CTTNBP2NL: variants seen among roughly 807,000 people sequenced by gnomAD.
CTTNBP2NL encodes CTTNBP2 N-terminal like.
Under a neutral mutation model 32.5 loss-of-function variants are expected in CTTNBP2NL, and 16 were observed. The observed-to-expected ratio is 0.49, with a 90% confidence interval of 0.33 to 0.75. The LOEUF is 0.75. CTTNBP2NL is among the 30% of genes least tolerant of loss of function. CTTNBP2NL has a pLI of 0.02. For synonymous variants in CTTNBP2NL, 298 were observed against 289.4 expected (o/e 1.03, Z -0.30); for missense variants, 645 against 756.0 (o/e 0.85, Z 1.72).
chr1:112,400,561 G>A (rs6696624), intron 1 of CTTNBP2NL, among the ~76,000 whole-genome samples: 49,762 of 152,056 alleles, frequency 0.33, 8,731 homozygotes, highest in East Asian at 0.55. Flanking sequence ...GGGAGGCCAA[G>A]GCAGGCGGAT....
chr1:112,447,002 C>T (rs1650061544), intron 3 of CTTNBP2NL, among the ~76,000 whole-genome samples: 1 of 152,042 alleles, frequency 6.6e-6, no homozygotes. Context: ...CAGCCAGGCG[C>T]AGTGGCTCAC....
intron 1 of CTTNBP2NL, among the ~76,000 whole-genome samples, chr1:112,408,799 C>T (rs1648764937): frequency 3.3e-5 from 5 of 151,896 alleles, no homozygotes; most frequent in South Asian, 4.2e-4. Context: ...ATTTACTGGC[C>T]TCCTATATTT....
chr1:112,399,962 G>A (rs1891706), intron 1 of CTTNBP2NL, among the ~76,000 whole-genome samples: 19,611 of 151,950 alleles, frequency 0.13, 4,148 homozygotes, highest in African/African-American at 0.44. Flanking sequence ...CCAGCTACTC[G>A]GGAGCCTGAG....
chr1:112,402,595 G>A (rs993715667), intron 1 of CTTNBP2NL, among the ~76,000 whole-genome samples: 16 of 152,176 alleles, frequency 1.1e-4, no homozygotes, highest in South Asian at 6.2e-4. Flanking sequence ...GGAGAATGGG[G>A]GCTCCAGGGA....
At position 112,459,236 on chromosome 1, in the gene CTTNBP2NL, A is replaced by G. The variant is rs2101039191; in HGVS notation, c.*1824A>G. ...AGTCTATGCGGACAAAAGCCTCCAA[A>G]CTTTCCAACTGTGTAGGCCAGTACA... On this transcript the variant is annotated 3_prime_UTR_variant, in exon 6 of 6. Coordinates refer to ENST00000271277, the MANE Select transcript of CTTNBP2NL (RefSeq NM_018704.3). The G allele has an allele frequency of 6.6e-6, 1 of 152,206 alleles. No individual in the cohort carries two copies. Among genetic ancestry groups the G allele is most frequent in the South Asian group, 2.1e-4 (1 of 4,814 alleles). 9.4% of individuals were successfully genotyped at this position (152,206 alleles called of 1,614,324 possible).
chr1:112,414,878 G>T (rs1205636263), intron 2 of CTTNBP2NL: 1 of 152,110 alleles, frequency 6.6e-6, no homozygotes, highest in African/African-American at 2.4e-5. Context: ...TCAGTTTTTG[G>T]TAGCCTAGCC....
Position 112,447,272 on chromosome 1 carries a change from TAAAAAAA to T in CTTNBP2NL, c.100-1651_100-1645del, listed in dbSNP as rs35522134. Among the ~76,000 whole-genome samples, 27 of 69,696 alleles carry T rather than the reference TAAAAAAA, an allele frequency of 3.9e-4. No individual in the cohort carries two copies. In the East Asian group the frequency reaches 8.9e-3, roughly 23 times the overall value. 45.7% of individuals were successfully genotyped at this position (69,696 alleles called of 152,430 possible). ...CTGGGCGACAGAGCGAGACTCCATCTAAAAAAAAAAAAAAAAAAAAAAAAAGTAGAGT... is the reference window on the plus strand; with the variant it reads ...CTGGGCGACAGAGCGAGACTCCATCTAAAAAAAAAAAAAAAAAAGTAGAGT... On this transcript the variant is annotated intron_variant, in intron 3 of 5. Coordinates refer to ENST00000271277, the MANE Select transcript of CTTNBP2NL (RefSeq NM_018704.3).
intron 1 of CTTNBP2NL, among the ~76,000 whole-genome samples, chr1:112,396,790 G>T (rs1378313734): frequency 2.0e-5 from 3 of 152,198 alleles, no homozygotes; most frequent in Non-Finnish European, 2.9e-5. Context: ...CGGAGGAAGC[G>T]GCTTCTCCCA....
rs148552246 is a variant in CTTNBP2NL at position 112,460,149 on chromosome 1, G to A, written c.*2737G>A. 4.2e-4 allele frequency: 64 copies of A among 152,274 alleles called. No homozygotes were observed. Among genetic ancestry groups the A allele is most frequent in the African/African-American group, 1.5e-3 (62 of 41,542 alleles). 9.4% of individuals were successfully genotyped at this position (152,274 alleles called of 1,614,324 possible). On this transcript the variant is annotated 3_prime_UTR_variant, in exon 6 of 6. Coordinates refer to ENST00000271277, the MANE Select transcript of CTTNBP2NL (RefSeq NM_018704.3). ...TACCATATAACACAAGCATTAACTAGGCATTAACGTTTGTAAAGCCAAATA... is the reference window on the plus strand; with the variant it reads ...TACCATATAACACAAGCATTAACTAAGCATTAACGTTTGTAAAGCCAAATA...
rs1175224190 is a variant in CTTNBP2NL at position 112,416,189 on chromosome 1, G to A, written c.24G>A (p.Lys8=). The change falls in exon 3 of 6, where the codon AAG becomes AAA. Residue 8 remains lysine, a synonymous_variant. Coordinates refer to ENST00000271277, the MANE Select transcript of CTTNBP2NL (RefSeq NM_018704.3). MNLEKLS[K]PELLTLFSIL... ...AGATGAATCTGGAAAAACTCAGCAAGCCTGAACTCCTGACACTATTTAGTA... is the reference window on the plus strand; with the variant it reads ...AGATGAATCTGGAAAAACTCAGCAAACCTGAACTCCTGACACTATTTAGTA... 1.9e-6 allele frequency: 3 copies of A among 1,605,280 alleles called. No homozygotes were observed. Among genetic ancestry groups the A allele is most frequent in the Non-Finnish European group, 2.6e-6 (3 of 1,176,436 alleles).
rs116267540 is a variant in CTTNBP2NL, at chr1:112,398,717, A to G, written c.-134+2445A>G. Among the ~76,000 whole-genome samples the G allele has an allele frequency of 4.1e-3, 622 of 151,192 alleles. 3 individuals carry two copies. The highest frequency in any genetic ancestry group is 6.3e-3 in the Non-Finnish European group (426 of 67,818). On this transcript the variant is annotated intron_variant, in intron 1 of 5. Transcript: ENST00000271277. ...TCCTTGCTACTTGGGAGGCTGAGGCAGGAGGCTTGCTTGAGCCCAGGTGTT... is the reference window on the plus strand; with the variant it reads ...TCCTTGCTACTTGGGAGGCTGAGGCGGGAGGCTTGCTTGAGCCCAGGTGTT...
At chr1:112,391,525 TC>T (rs1179541083), upstream of CTTNBP2NL, among the ~76,000 whole-genome samples, 1 of 152,088 alleles carries the variant, frequency 6.6e-6, no homozygotes, top group Non-Finnish European at 1.5e-5. Context: ...AGCTAATACT[TC>T]CATGTACATC....
At chr1:112,418,836 C>G (rs573848396) in intron 3 of CTTNBP2NL, among the ~76,000 whole-genome samples, 1 of 152,146 alleles carries the variant, frequency 6.6e-6, no homozygotes, top group South Asian at 2.1e-4. Context: ...TTTAAAAAAT[C>G]TGAAAAATAG....
At chr1:112,432,066 A>ATTTTTTT (rs11440212) in intron 3 of CTTNBP2NL, among the ~76,000 whole-genome samples, 99 of 91,042 alleles carry the variant, frequency 1.1e-3, no homozygotes, top group East Asian at 2.7e-3. Flanking sequence ...ATATATTTTG[A>ATTTTTTT]TTTTTTTTTT....
At chr1:112,412,972 A>G (rs1648926900) in intron 2 of CTTNBP2NL, among the ~76,000 whole-genome samples, 1 of 152,190 alleles carries the variant, frequency 6.6e-6, no homozygotes, top group African/African-American at 2.4e-5. Context: ...ATTTGTGTGC[A>G]GAAGTGATTT....
intron 1 of CTTNBP2NL, among the ~76,000 whole-genome samples, chr1:112,404,333 T>C (rs528874347): frequency 1.3e-5 from 2 of 152,358 alleles, no homozygotes; most frequent in East Asian, 3.9e-4. Context: ...TCACGAGTTT[T>C]ATTTCTGCTA....
upstream of CTTNBP2NL, among the ~76,000 whole-genome samples, chr1:112,391,861 C>T (rs757218762): frequency 3.3e-5 from 5 of 151,996 alleles, no homozygotes; most frequent in South Asian, 6.2e-4. Context: ...AGTAGTGGTG[C>T]GCGCCTGTAA....
At chr1:112,421,616 C>CAA (rs34720155) in intron 3 of CTTNBP2NL, among the ~76,000 whole-genome samples, 722 of 70,992 alleles carry the variant, frequency 0.01, 6 homozygotes, top group African/African-American at 0.026. Flanking sequence ...CCCATTTCTA[C>CAA]AAAAAAAAAA....
chr1:112,450,055 G>T (rs946433707), intron 4 of CTTNBP2NL, among the ~76,000 whole-genome samples: 1 of 152,228 alleles, frequency 6.6e-6, no homozygotes, highest in African/African-American at 2.4e-5. Context: ...CAACAAGGCA[G>T]TTATCAGTGC....
Sources: gnomAD v4.1 joint callset for allele counts (sites outside exome capture counted in the v4.1 genomes callset) on GRCh38, gnomAD v4.1.1 for gene constraint, MANE v1.5 for transcripts, NCBI Gene and HGNC (gene_info 2026-07-23, HGNC 2026-07-21) for gene names.